Variants in PADI2 observed in about 807,000 individuals in gnomAD.
The protein encoded by PADI2 is peptidyl arginine deiminase 2.
In PADI2, 70 loss-of-function variants were observed where a neutral mutation model predicts 81.1. The ratio of observed to expected loss-of-function variants is 0.86; its 90% CI spans 0.71 to 1.05. PADI2 has a LOEUF of 1.05. Among genes scored for constraint, PADI2 ranks in the 50% least tolerant of loss-of-function variants. The probability of loss-of-function intolerance (pLI) is 0.00; values close to 1 mark genes in which losing one functional copy is unlikely to be tolerated. For synonymous variants in PADI2, 338 were observed against 358.0 expected (o/e 0.94, Z 0.63); for missense variants, 853 against 889.9 (o/e 0.96, Z 0.53).
At chr1:17,112,242 G>A (rs1931609003) in intron 1 of PADI2, among the ~76,000 whole-genome samples, 1 of 152,104 alleles carries the variant, frequency 6.6e-6, no homozygotes, top group Non-Finnish European at 1.5e-5. Context: ...AACGACACTT[G>A]CCCAGTCCCA....
chr1:17,117,571 T>G (rs1931800505), intron 1 of PADI2, among the ~76,000 whole-genome samples: 1 of 152,142 alleles, frequency 6.6e-6, no homozygotes, highest in Non-Finnish European at 1.5e-5. Context: ...ATCGTCACAC[T>G]GCTGCCCCCT....
intron 2 of PADI2, among the ~76,000 whole-genome samples, chr1:17,104,426 C>CTTTTTTTTTTTTTTTTTTT (rs1233283967): frequency 1.0e-5 from 1 of 98,294 alleles, no homozygotes; most frequent in African/African-American, 3.8e-5. Flanking sequence ...TTCTTTTTGC[C>CTTTTTTTTTTTTTTTTTTT]TTTTCTTTTT....
At chr1:17,105,864 A>C (rs1304526177) in intron 1 of PADI2, among the ~76,000 whole-genome samples, 1 of 152,154 alleles carries the variant, frequency 6.6e-6, no homozygotes, top group Non-Finnish European at 1.5e-5. Context: ...CTGAGTGTGA[A>C]TGTATGAGGG....
chr1:17,106,125 A>G (rs1211431667), intron 1 of PADI2, among the ~76,000 whole-genome samples: 1 of 152,102 alleles, frequency 6.6e-6, no homozygotes, highest in Non-Finnish European at 1.5e-5. Flanking sequence ...CTCTTGTTAC[A>G]AAGATCCCTT....
chr1:17,108,242 C>A (rs1374235989), intron 1 of PADI2, among the ~76,000 whole-genome samples: 1 of 152,186 alleles, frequency 6.6e-6, no homozygotes, highest in East Asian at 1.9e-4. Flanking sequence ...AGCCACCGTG[C>A]CTGGCCACAT....
In PADI2 at chr1:17,115,725, C is replaced by T. The variant is rs529954195; in HGVS notation, c.92+3555G>A. Among the ~76,000 whole-genome samples the T allele has an allele frequency of 5.3e-5, 8 of 152,254 alleles. 1 individual carries two copies. The highest frequency in any genetic ancestry group is 3.4e-3 in the Middle Eastern group (1 of 294). Reference sequence around the variant, plus strand: ...CCAGCCCCACTGAAGAAGTGACTGTCGGCTAAAGGGACCACCGGAGGAGAT... The same window carrying T: ...CCAGCCCCACTGAAGAAGTGACTGTTGGCTAAAGGGACCACCGGAGGAGAT... On this transcript the variant is annotated intron_variant, in intron 1 of 15. Transcript: ENST00000375486. The surrounding 1 kb of genome is among the most constrained non-coding windows in gnomAD (Gnocchi z 4.1).
rs771212056 is a variant in PADI2, at chr1:17,104,994, G to A, written c.160C>T (p.Arg54Cys). The change falls in exon 2 of 16, where the codon CGT (arginine) becomes TGT (cysteine). Residue 54 changes from arginine to cysteine, a missense_variant. Arg to Cys is a radical substitution (Grantham distance 180, BLOSUM62 -3). Coordinates refer to ENST00000375486, the MANE Select transcript of PADI2 (RefSeq NM_007365.3). ...GCCACCTCCTCAGCCTCCCCATCAC[G>A]CACCACCTCCACCCACACGTGTTCC... is the stretch of plus-strand genomic sequence containing the variant. ...HSEHVWVEVV[R>C]DGEAEEVATN... 2.3e-5 allele frequency: 37 copies of A among 1,606,860 alleles called. No individual in the cohort carries two copies. Among genetic ancestry groups the A allele is most frequent in the Middle Eastern group, 1.7e-4 (1 of 5,988 alleles).
At chr1:17,104,431 CTTTTTTTTTTTTT>C (rs1217484961) in intron 2 of PADI2, among the ~76,000 whole-genome samples, 4 of 79,790 alleles carry the variant, frequency 5.0e-5, no homozygotes, top group Admixed American at 2.1e-4. Context: ...TTTGCCTTTT[CTTTTTTTTTTTTT>C]TTTTTTTTGA....
Position 17,119,314 on chromosome 1 carries a change from C to T in PADI2, c.58G>A (p.Val20Met). Residue 20 changes from valine (V) to methionine (M), a missense_variant, in exon 1 of 16, where the codon GTG (valine) becomes ATG (methionine). Physicochemically the swap from Val to Met is conservative, Grantham distance 21. Coordinates refer to ENST00000375486, the MANE Select transcript of PADI2 (RefSeq NM_007365.3). The surrounding 1 kb of genome is among the most constrained non-coding windows in gnomAD (Gnocchi z 4.8). The part of the protein sequence containing the change: ...QYGSRVEAVY[V>M]LGTYLWTDVY... ...TCGGTCCAGAGGTAGGTGCCCAGCA[C>T]GTACACCGCCTCCACGCGGCTCCCG... is the stretch of plus-strand genomic sequence containing the variant. The T allele has an allele frequency of 6.4e-7, 1 of 1,561,224 alleles. No individual in the cohort carries two copies. Among genetic ancestry groups the T allele is most frequent in the Non-Finnish European group, 8.7e-7 (1 of 1,153,946 alleles).
chr1:17,099,829 G>C (rs557754756), intron 3 of PADI2, among the ~76,000 whole-genome samples: 1 of 152,192 alleles, frequency 6.6e-6, no homozygotes. Context: ...TCTGTGAAGC[G>C]CATTTTATAG....
At chr1:17,094,882 A>G (rs1930852483) in intron 4 of PADI2, among the ~76,000 whole-genome samples, 1 of 152,190 alleles carries the variant, frequency 6.6e-6, no homozygotes, top group Admixed American at 6.5e-5. Flanking sequence ...GCTTGGCCAT[A>G]GACTCAGAGA....
At chr1:17,107,717 G>A (rs1931433691) in intron 1 of PADI2, among the ~76,000 whole-genome samples, 1 of 152,192 alleles carries the variant, frequency 6.6e-6, no homozygotes, top group South Asian at 2.1e-4. Context: ...TCTGACCTGG[G>A]CCACAGACTT....
In PADI2 at chr1:17,093,668, C is replaced by T. The variant is rs201038666; in HGVS notation, c.428G>A (p.Gly143Asp). ...CAGGATGGCCCCCTGGCCCTCGGGG[C>T]CCCAGGTCCAGGATGCCTACAGTGG... ...NNPKKASWTW[G>D]PEGQGAILLV... is the part of the protein sequence containing the mutation. Residue 143 changes from glycine to aspartate, a missense_variant, in exon 5 of 16, where the codon GGC (glycine) becomes GAC (aspartate). Physicochemically the swap from Gly to Asp is moderately conservative, Grantham distance 94. Transcript: ENST00000375486. 1.2e-6 allele frequency: 2 copies of T among 1,612,096 alleles called. No individual in the cohort carries two copies. The highest frequency in any genetic ancestry group is 2.2e-5 in the South Asian group (2 of 90,938).
chr1:17,110,649 C>T (rs1033293000), intron 1 of PADI2, among the ~76,000 whole-genome samples: 17 of 152,272 alleles, frequency 1.1e-4, no homozygotes, highest in African/African-American at 3.8e-4. Flanking sequence ...TCATTTTCTG[C>T]GGTTCCTTCC....
chr1:17,073,121 T>C lies in PADI2; in HGVS notation c.1550-1630A>G, dbSNP rs977165688. ...CCAACCTGAAAAGTGACAAAAGTAATTTAAGAAAAAAATAGGCCGAGCATG... is the reference window on the plus strand; with the variant it reads ...CCAACCTGAAAAGTGACAAAAGTAACTTAAGAAAAAAATAGGCCGAGCATG... On this transcript the variant is annotated intron_variant, in intron 13 of 15. Coordinates refer to ENST00000375486, the MANE Select transcript of PADI2 (RefSeq NM_007365.3). Among the ~76,000 whole-genome samples the C allele has an allele frequency of 3.9e-4, 60 of 152,072 alleles. No individual in the cohort carries two copies. In the Middle Eastern group the frequency reaches 0.017, roughly 43 times the overall value.
chr1:17,084,175 C>T (rs2078368326), intron 8 of PADI2, among the ~76,000 whole-genome samples: 1 of 152,108 alleles, frequency 6.6e-6, no homozygotes, highest in Non-Finnish European at 1.5e-5. Context: ...CCCAAGGGTC[C>T]CTTTTGGGTT....
At chr1:17,098,770 C>T (rs760039377) in intron 3 of PADI2, among the ~76,000 whole-genome samples, 3 of 152,204 alleles carry the variant, frequency 2.0e-5, no homozygotes, top group Admixed American at 6.5e-5. Context: ...CCTCAGAGAC[C>T]GCCCACCCTG....
At chr1:17,076,402 A>G (rs1280954699) in intron 11 of PADI2, among the ~76,000 whole-genome samples, 1 of 151,966 alleles carries the variant, frequency 6.6e-6, no homozygotes, top group Non-Finnish European at 1.5e-5. Flanking sequence ...TTTAGTAGAG[A>G]CAGGGTTTCA....
chr1:17,071,789 C>G (rs993982071), intron 13 of PADI2, among the ~76,000 whole-genome samples: 1 of 152,196 alleles, frequency 6.6e-6, no homozygotes, highest in African/African-American at 2.4e-5. Context: ...CAAGTAGCCC[C>G]CTGGTTCTCC....
Sources: allele counts gnomAD v4.1 joint callset (sites outside exome capture counted in the v4.1 genomes callset), GRCh38; gene constraint gnomAD v4.1.1; non-coding constraint Gnocchi (gnomAD v3.1); transcripts MANE v1.5; gene names NCBI Gene and HGNC (gene_info 2026-07-23, HGNC 2026-07-21).